The following KCNJ3 variants were observed in gnomAD, a reference collection of about 807,000 sequenced individuals.
The protein encoded by KCNJ3 is G protein-activated inward rectifier potassium channel 1.
A neutral mutation model predicts 39.2 loss-of-function variants in KCNJ3; 4 were observed. The observed-to-expected ratio is 0.10, with a 90% CI of 0.05 to 0.23. The LOEUF is 0.23. KCNJ3 is among the 10% of genes least tolerant of loss of function. The pLI, the probability that KCNJ3 is intolerant of heterozygous loss-of-function variation, is 1.00. For missense variants in KCNJ3, 276 were observed against 634.9 expected (o/e 0.43, Z 6.08); for synonymous variants, 230 against 237.4 (o/e 0.97, Z 0.29).
rs190255090 is a variant in KCNJ3 at position 154,851,145 on chromosome 2, G to A, written c.920-3582G>A. Among the ~76,000 whole-genome samples the A allele has an allele frequency of 1.1e-4, 17 of 152,064 alleles. No individual in the cohort carries two copies. In the East Asian group the frequency reaches 1.4e-3, roughly 12 times the overall value. On this transcript the variant is annotated intron_variant, in intron 2 of 2. Transcript: ENST00000295101. ...TCATACCAGCTACTTGGGAGTAACAGGCAAGAAGATTGCTTGAGCCCAGGG... is the reference window on the plus strand; with the variant it reads ...TCATACCAGCTACTTGGGAGTAACAAGCAAGAAGATTGCTTGAGCCCAGGG...
intron 2 of KCNJ3, among the ~76,000 whole-genome samples, chr2:154,754,769 A>G (rs1685908982): frequency 1.3e-5 from 2 of 152,130 alleles, no homozygotes; most frequent in Admixed American, 1.3e-4. Flanking sequence ...GCCTTATAAA[A>G]CTAGTTGGTA....
At chr2:154,777,378 C>A (rs545396059) in intron 2 of KCNJ3, among the ~76,000 whole-genome samples, 1 of 152,282 alleles carries the variant, frequency 6.6e-6, no homozygotes, top group South Asian at 2.1e-4. Flanking sequence ...AAACCATGTA[C>A]ATTTATTGGG....
chr2:154,770,535 T>C lies in KCNJ3; in HGVS notation c.919+60716T>C, dbSNP rs527416449. On this transcript the variant is annotated intron_variant, in intron 2 of 2. Coordinates refer to ENST00000295101, the MANE Select transcript of KCNJ3 (RefSeq NM_002239.4). ...TAGTATCTTGATCATTTCCTTCCACTGTTATTAGATGATTTTGTGATTCAA... is the reference window on the plus strand; with the variant it reads ...TAGTATCTTGATCATTTCCTTCCACCGTTATTAGATGATTTTGTGATTCAA... Among the ~76,000 whole-genome samples the C allele has an allele frequency of 1.1e-4, 16 of 152,272 alleles. No homozygotes were observed. In the East Asian group the frequency reaches 2.3e-3, roughly 22 times the overall value.
intron 2 of KCNJ3, among the ~76,000 whole-genome samples, chr2:154,801,089 T>C (rs1443763055): frequency 3.3e-5 from 5 of 152,230 alleles, no homozygotes; most frequent in Non-Finnish European, 5.9e-5. Flanking sequence ...TGGTGTACTC[T>C]GGAGCCAGAT....
intron 2 of KCNJ3, among the ~76,000 whole-genome samples, chr2:154,798,993 G>A (rs1053437764): frequency 6.6e-6 from 1 of 151,862 alleles, no homozygotes; most frequent in Admixed American, 6.6e-5. Flanking sequence ...GGTGTGTCAG[G>A]TGTGTGTATA....
chr2:154,820,539 A>C (rs1270140665), intron 2 of KCNJ3, among the ~76,000 whole-genome samples: 5 of 152,146 alleles, frequency 3.3e-5, no homozygotes. Context: ...CAGGTTGTTC[A>C]ATTGTAAATT....
chr2:154,755,254 G>A (rs1685917560), intron 2 of KCNJ3, among the ~76,000 whole-genome samples: 1 of 151,648 alleles, frequency 6.6e-6, no homozygotes, highest in Admixed American at 6.6e-5. Flanking sequence ...CCATTCTTTT[G>A]TTCTTTCTTC....
At chr2:154,700,593 G>A (rs1684875934) in intron 1 of KCNJ3, among the ~76,000 whole-genome samples, 1 of 152,176 alleles carries the variant, frequency 6.6e-6, no homozygotes, top group South Asian at 2.1e-4. Flanking sequence ...TCTGAATTTA[G>A]TATTAATAAA....
chr2:154,726,536 A>G (rs1685360732), intron 2 of KCNJ3, among the ~76,000 whole-genome samples: 2 of 152,122 alleles, frequency 1.3e-5, no homozygotes, highest in Admixed American at 6.5e-5. Flanking sequence ...TACAACCACT[A>G]TGGAAAACAG....
chr2:154,805,027 A>G (rs1198303298), intron 2 of KCNJ3, among the ~76,000 whole-genome samples: 1 of 152,150 alleles, frequency 6.6e-6, no homozygotes, highest in African/African-American at 2.4e-5. Flanking sequence ...TAAGAAACAC[A>G]ATGAAGGACT....
chr2:154,769,587 G>T (rs1181880429), intron 2 of KCNJ3, among the ~76,000 whole-genome samples: 1 of 152,140 alleles, frequency 6.6e-6, no homozygotes, highest in African/African-American at 2.4e-5. Context: ...GATTCGGTTT[G>T]CCAGTATTTT....
In KCNJ3 at chr2:154,810,310, T is replaced by G. The variant is rs1405257727; in HGVS notation, c.920-44417T>G. Among the ~76,000 whole-genome samples, 3 of 152,130 alleles carry G rather than the reference T, an allele frequency of 2.0e-5. No homozygotes were observed. In the East Asian group the frequency reaches 5.8e-4, roughly 29 times the overall value. ...TGTTGTCCAGGCTAGTCTTGAACTC[T>G]TGGACTCAAGGGATTTGCCTGCCTC... On this transcript the variant is annotated intron_variant, in intron 2 of 2. Coordinates refer to ENST00000295101, the MANE Select transcript of KCNJ3 (RefSeq NM_002239.4).
intron 2 of KCNJ3, among the ~76,000 whole-genome samples, chr2:154,720,672 T>C (rs1021947312): frequency 6.6e-6 from 1 of 152,062 alleles, no homozygotes; most frequent in Non-Finnish European, 1.5e-5. Flanking sequence ...AAACAAAATT[T>C]TCTCCCAAAC....
chr2:154,855,092 A>G lies in KCNJ3; in HGVS notation c.1285A>G (p.Ser429Gly). Residue 429 changes from serine (S) to glycine (G), a missense_variant, in exon 3 of 3, where the codon AGC becomes GGC. This residue lies in a region of KCNJ3 where 126 missense variants were observed against 179.8 expected (regional missense o/e 0.70). Transcript: ENST00000295101. ...MSSTTSEKAY[S>G]LGDLPMKLQR... ...TTCTACAACTTCAGAAAAAGCCTAC[A>G]GCTTGGGAGACTTGCCCATGAAACT... 6.2e-7 allele frequency: 1 copy of G among 1,614,100 alleles called. No homozygotes were observed. Among genetic ancestry groups the G allele is most frequent in the Non-Finnish European group, 8.5e-7 (1 of 1,179,972 alleles).
intron 2 of KCNJ3, among the ~76,000 whole-genome samples, chr2:154,815,051 C>A (rs1278980785): frequency 2.0e-5 from 3 of 152,148 alleles, no homozygotes; most frequent in African/African-American, 7.2e-5. Flanking sequence ...ATACGGTATG[C>A]TGAAAGTGCA....
At chr2:154,762,153 G>T (rs993697637) in intron 2 of KCNJ3, among the ~76,000 whole-genome samples, 3 of 152,176 alleles carry the variant, frequency 2.0e-5, no homozygotes, top group African/African-American at 7.2e-5. Flanking sequence ...CTGATCTCCA[G>T]ATAGTAAGGT....
chr2:154,719,018 T>C (rs1175639277), intron 2 of KCNJ3, among the ~76,000 whole-genome samples: 1 of 152,160 alleles, frequency 6.6e-6, no homozygotes, highest in Non-Finnish European at 1.5e-5. Flanking sequence ...TACAAGGAAC[T>C]GCACAATTTA....
chr2:154,833,989 C>T (rs1389301001), intron 2 of KCNJ3, among the ~76,000 whole-genome samples: 7 of 152,144 alleles, frequency 4.6e-5, no homozygotes, highest in African/African-American at 1.7e-4. Flanking sequence ...CTGCTATAAA[C>T]ATTCCTGTGC....
chr2:154,833,226 C>G (rs1303044195), intron 2 of KCNJ3, among the ~76,000 whole-genome samples: 2 of 152,124 alleles, frequency 1.3e-5, no homozygotes, highest in African/African-American at 4.8e-5. Flanking sequence ...AATCATACAG[C>G]CTTTGTGGAA....
Sources: gnomAD v4.1 joint callset for allele counts (sites outside exome capture counted in the v4.1 genomes callset) on GRCh38, gnomAD v4.1.1 for gene constraint, gnomAD v4.1.1 regional missense constraint, MANE v1.5 for transcripts, NCBI Gene and HGNC (gene_info 2026-07-23, HGNC 2026-07-21) for gene names.